The following TMEM117 variants were observed in gnomAD, a reference collection of about 807,000 sequenced individuals.
The protein encoded by TMEM117 is transmembrane protein 117.
In TMEM117, 27 loss-of-function variants were observed where a neutral mutation model predicts 52.4. That is an observed-to-expected ratio of 0.51 (90% confidence interval 0.38 to 0.71). TMEM117 has a LOEUF of 0.71. TMEM117 is among the 30% of genes least tolerant of loss of function. TMEM117 has a pLI of 0.00. For missense variants in TMEM117, 556 were observed against 630.5 expected (o/e 0.88, Z 1.26); for synonymous variants, 215 against 206.3 (o/e 1.04, Z -0.36).
chr12:44,327,451 A>G (rs1238778378), intron 6 of TMEM117, among the ~76,000 whole-genome samples: 1 of 152,186 alleles, frequency 6.6e-6, no homozygotes, highest in Non-Finnish European at 1.5e-5. Flanking sequence ...TCCATTGAAA[A>G]TTTGATTGGT....
At chr12:43,863,921 G>A (rs1238655385) in intron 2 of TMEM117, among the ~76,000 whole-genome samples, 1 of 152,210 alleles carries the variant, frequency 6.6e-6, no homozygotes, top group Non-Finnish European at 1.5e-5. Flanking sequence ...GTGGGAACCG[G>A]GGCTGCGCCC....
intron 6 of TMEM117, among the ~76,000 whole-genome samples, chr12:44,329,675 C>T (rs149568195): frequency 6.6e-6 from 1 of 152,168 alleles, no homozygotes; most frequent in Non-Finnish European, 1.5e-5. Flanking sequence ...TTCCTTTCTC[C>T]CCTTGTGCCT....
chr12:43,868,133 T>C (rs952296283), intron 2 of TMEM117, among the ~76,000 whole-genome samples: 57 of 150,114 alleles, frequency 3.8e-4, no homozygotes, highest in African/African-American at 1.0e-3. Flanking sequence ...CTGTCTGCTG[T>C]CTCTCTCCTT....
intron 2 of TMEM117, among the ~76,000 whole-genome samples, chr12:43,868,143 T>C (rs1327404062): frequency 7.3e-6 from 1 of 136,208 alleles, no homozygotes; most frequent in African/African-American, 2.6e-5. Context: ...TCTCTCTCCT[T>C]CTCTCTCTCT....
intron 3 of TMEM117, among the ~76,000 whole-genome samples, chr12:43,959,377 G>C (rs1592394311): frequency 6.6e-6 from 1 of 152,280 alleles, no homozygotes; most frequent in Non-Finnish European, 1.5e-5. Context: ...ACAGTTGTAG[G>C]CTTCAGCACA....
Position 44,095,612 on chromosome 12 carries a change from G to T in TMEM117, c.411-47913G>T, listed in dbSNP as rs73288019. On this transcript the variant is annotated intron_variant, in intron 3 of 7. Transcript: ENST00000266534. ...TTCAAGAGAAAGTTGCAGAGAAAAAGCCTGGAAGATGAATAGGAGAGAGAG... is the reference window on the plus strand; with the variant it reads ...TTCAAGAGAAAGTTGCAGAGAAAAATCCTGGAAGATGAATAGGAGAGAGAG... 6.8e-3 allele frequency among the ~76,000 whole-genome samples: 1,033 copies of T among 152,162 alleles called. 14 individuals are homozygous for T. The highest frequency in any genetic ancestry group is 0.024 in the African/African-American group (988 of 41,542).
chr12:44,021,516 A>G (rs1946455692), intron 3 of TMEM117, among the ~76,000 whole-genome samples: 1 of 152,210 alleles, frequency 6.6e-6, no homozygotes, highest in Admixed American at 6.5e-5. Context: ...ATAGCAGGCT[A>G]GGGTGGTTAG....
chr12:44,204,521 T>A (rs1467247475), intron 4 of TMEM117, among the ~76,000 whole-genome samples: 1 of 149,424 alleles, frequency 6.7e-6, no homozygotes, highest in Non-Finnish European at 1.5e-5. Context: ...TCAGTGCTAT[T>A]TCTACCATTT....
chr12:44,255,636 T>C (rs1565642793), intron 5 of TMEM117, among the ~76,000 whole-genome samples: 2 of 152,092 alleles, frequency 1.3e-5, no homozygotes, highest in Non-Finnish European at 2.9e-5. Context: ...AAAAGCAGGA[T>C]ATAAACTTGG....
At chr12:44,372,611 A>G (rs1951880357) in intron 6 of TMEM117, among the ~76,000 whole-genome samples, 1 of 151,642 alleles carries the variant, frequency 6.6e-6, no homozygotes, top group South Asian at 2.1e-4. Flanking sequence ...AAAAAAAAAC[A>G]AAAGAAAGAA....
At chr12:43,875,611 C>T (rs540975396) in intron 2 of TMEM117, among the ~76,000 whole-genome samples, 1 of 152,162 alleles carries the variant, frequency 6.6e-6, no homozygotes, top group South Asian at 2.1e-4. Context: ...TTTTCTTTGC[C>T]TTTTCCTCTG....
intron 3 of TMEM117, among the ~76,000 whole-genome samples, chr12:44,011,715 A>T (rs1188389918): frequency 6.6e-6 from 1 of 152,166 alleles, no homozygotes; most frequent in African/African-American, 2.4e-5. Flanking sequence ...TAGGCATAGT[A>T]AGATATTAAT....
In TMEM117 at chr12:44,357,451, G is replaced by A. The variant is rs145478925; in HGVS notation, c.769-19144G>A. On this transcript the variant is annotated intron_variant, in intron 6 of 7. Transcript: ENST00000266534. Reference sequence around the variant, plus strand: ...TGAATGAATAAAGAAGCACAGCGAAGTGACTAAGTCAGAGGAGGGACACTT... The same window carrying A: ...TGAATGAATAAAGAAGCACAGCGAAATGACTAAGTCAGAGGAGGGACACTT... Among the ~76,000 whole-genome samples, 261 of 152,254 alleles carry A rather than the reference G, an allele frequency of 1.7e-3. 1 individual carries two copies. The highest frequency in any genetic ancestry group is 5.0e-3 in the African/African-American group (209 of 41,566).
At chr12:44,088,612 T>C (rs1947612595) in intron 3 of TMEM117, among the ~76,000 whole-genome samples, 1 of 152,208 alleles carries the variant, frequency 6.6e-6, no homozygotes, top group African/African-American at 2.4e-5. Flanking sequence ...TGAAATCTAA[T>C]GTGGTCCTGG....
the TMEM117 span, among the ~76,000 whole-genome samples, chr12:43,802,855 A>C: frequency 6.6e-6 from 1 of 152,206 alleles, no homozygotes; most frequent in African/African-American, 2.4e-5. Flanking sequence ...TCTGACATTA[A>C]CAATGAATTG....
chr12:43,843,687 C>A (rs1358204311), intron 1 of TMEM117, among the ~76,000 whole-genome samples: 1 of 152,110 alleles, frequency 6.6e-6, no homozygotes, highest in Non-Finnish European at 1.5e-5. Context: ...TTCTACTAAT[C>A]CTCCAACCTT....
rs1555132515 is a variant in TMEM117, at chr12:44,202,793, C to CT, written c.511-8483dup. On this transcript the variant is annotated intron_variant, in intron 4 of 7. Transcript: ENST00000266534. ...TCCAGGACTCCTTTGGAAGTGGTAG[C>CT]TTTTTTTTTTTTTTAGATGGAGTCT... Among the ~76,000 whole-genome samples the CT allele has an allele frequency of 6.2e-3, 883 of 142,888 alleles. 3 individuals are homozygous for CT. The highest frequency in any genetic ancestry group is 0.01 in the Non-Finnish European group (670 of 64,444). The allele number at this position is 142,888 out of a possible 152,430, so 93.7% of individuals were successfully genotyped here.
intron 3 of TMEM117, among the ~76,000 whole-genome samples, chr12:44,087,716 C>T (rs190223288): frequency 4.6e-5 from 7 of 152,196 alleles, no homozygotes; most frequent in African/African-American, 9.6e-5. Context: ...CCACCCTCCT[C>T]GGCTTTCCAA....
chr12:44,392,876 A>T (rs1055162190), downstream of TMEM117, among the ~76,000 whole-genome samples: 2 of 152,088 alleles, frequency 1.3e-5, no homozygotes, highest in Non-Finnish European at 2.9e-5. Flanking sequence ...ACAGTAGGCA[A>T]CATGAGAAGA....
Sources: gnomAD v4.1 joint callset for allele counts (sites outside exome capture counted in the v4.1 genomes callset) on GRCh38, gnomAD v4.1.1 for gene constraint, MANE v1.5 for transcripts, NCBI Gene and HGNC (gene_info 2026-07-23, HGNC 2026-07-21) for gene names.